CTNNA3: variants seen among roughly 807,000 people sequenced by gnomAD.
CTNNA3 encodes the protein catenin alpha-3.
In CTNNA3, 76 loss-of-function variants were observed where a neutral mutation model predicts 95.7. That is an observed-to-expected ratio of 0.79 (90% CI 0.66 to 0.96). CTNNA3 has a LOEUF of 0.96. Among genes scored for constraint, CTNNA3 ranks in the 40% least tolerant of loss-of-function variants. CTNNA3 has a pLI of 0.00. For missense variants in CTNNA3, 1,191 were observed against 1,089.8 expected (o/e 1.09, Z -1.31); for synonymous variants, 431 against 374.4 (o/e 1.15, Z -1.74).
At chr10:67,222,603 C>T (rs934405434) in intron 5 of CTNNA3, among the ~76,000 whole-genome samples, 2 of 152,144 alleles carry the variant, frequency 1.3e-5, no homozygotes, top group Admixed American at 6.5e-5. Flanking sequence ...TTTCCCACAA[C>T]GTTGTACAAG....
intron 13 of CTNNA3, among the ~76,000 whole-genome samples, chr10:66,113,470 A>C (rs978722693): frequency 6.6e-6 from 1 of 152,156 alleles, no homozygotes; most frequent in Admixed American, 6.6e-5. Context: ...TTCTTACAAC[A>C]TAAGGCTGGA....
At chr10:67,298,549 A>G (rs1589138620) in intron 5 of CTNNA3, among the ~76,000 whole-genome samples, 1 of 152,234 alleles carries the variant, frequency 6.6e-6, no homozygotes, top group African/African-American at 2.4e-5. Context: ...CCGAATTAGC[A>G]TAACGCTAAC....
At chr10:67,619,390 G>A (rs542157624) in intron 2 of CTNNA3, among the ~76,000 whole-genome samples, 24 of 152,226 alleles carry the variant, frequency 1.6e-4, no homozygotes, top group South Asian at 1.0e-3. Context: ...TCAATAAATG[G>A]TGCTAGGAAA....
intron 5 of CTNNA3, among the ~76,000 whole-genome samples, chr10:67,469,717 C>T (rs1847745990): frequency 6.6e-6 from 1 of 151,904 alleles, no homozygotes; most frequent in Non-Finnish European, 1.5e-5. Context: ...ATGTAATAAA[C>T]CTGCACATTC....
chr10:67,746,645 C>T (rs1179325497), intron 1 of CTNNA3, among the ~76,000 whole-genome samples: 1 of 152,160 alleles, frequency 6.6e-6, no homozygotes, highest in African/African-American at 2.4e-5. Context: ...AGTCGTGCTA[C>T]CCAGCCTGGG....
At chr10:67,077,989 G>T (rs1437626817) in intron 7 of CTNNA3, among the ~76,000 whole-genome samples, 1 of 152,140 alleles carries the variant, frequency 6.6e-6, no homozygotes. Context: ...TCAATTTTAT[G>T]TGTAACTATC....
chr10:65,956,808 C>T (rs1033786308), intron 17 of CTNNA3, among the ~76,000 whole-genome samples: 3 of 152,088 alleles, frequency 2.0e-5, no homozygotes, highest in Admixed American at 2.0e-4. Context: ...TTACTTCCAA[C>T]TATGTTGTCA....
At chr10:67,448,563 GAAT>G (rs1846843345) in intron 5 of CTNNA3, among the ~76,000 whole-genome samples, 1 of 151,676 alleles carries the variant, frequency 6.6e-6, no homozygotes, top group African/African-American at 2.4e-5. Context: ...ATGAATGAAT[GAAT>G]AATAAAACAT....
intron 10 of CTNNA3, among the ~76,000 whole-genome samples, chr10:66,537,182 A>T (rs192578687): frequency 6.6e-6 from 1 of 152,294 alleles, no homozygotes; most frequent in Admixed American, 6.5e-5. Context: ...TTATAAAAAC[A>T]AGTTTGCAGC....
At chr10:66,516,063 G>GAAAAAAAAA (rs147730943) in intron 11 of CTNNA3, among the ~76,000 whole-genome samples, 4 of 123,912 alleles carry the variant, frequency 3.2e-5, no homozygotes, top group Admixed American at 8.4e-5. Context: ...TTAATTATCT[G>GAAAAAAAAA]GAAAAAAAAA....
rs902648060 is a variant in CTNNA3, at chr10:65,918,688, C to A, written c.*1642G>T. ...TGCCTTCACCTCCTAGGAAGTTTTA[C>A]ACTGAGCTCAGGCAATCCAGCTACT... is the stretch of plus-strand genomic sequence containing the variant. On this transcript the variant is annotated 3_prime_UTR_variant, in exon 18 of 18. Coordinates refer to ENST00000433211, the MANE Select transcript of CTNNA3 (RefSeq NM_013266.4). 2.6e-5 allele frequency: 4 copies of A among 152,132 alleles called. No homozygotes were observed. The highest frequency in any genetic ancestry group is 9.7e-5 in the African/African-American group (4 of 41,436). 9.4% of individuals were successfully genotyped at this position (152,132 alleles called of 1,614,324 possible).
At chr10:66,451,543 G>T (rs1264021200) in intron 11 of CTNNA3, among the ~76,000 whole-genome samples, 1 of 152,068 alleles carries the variant, frequency 6.6e-6, no homozygotes, top group African/African-American at 2.4e-5. Context: ...TAAAACATAA[G>T]GGTAATTAAT....
At chr10:67,285,740 T>C (rs1839572708) in intron 5 of CTNNA3, among the ~76,000 whole-genome samples, 1 of 152,188 alleles carries the variant, frequency 6.6e-6, no homozygotes, top group Non-Finnish European at 1.5e-5. Flanking sequence ...CCTAGGAATA[T>C]GTTTTTATAT....
intron 1 of CTNNA3, among the ~76,000 whole-genome samples, chr10:67,716,430 A>T (rs1841143626): frequency 6.7e-6 from 1 of 150,258 alleles, no homozygotes; most frequent in African/African-American, 2.4e-5. Context: ...CCACCAACCC[A>T]TTATCTACAT....
At chr10:67,388,978 A>C (rs1170061579) in intron 5 of CTNNA3, among the ~76,000 whole-genome samples, 2 of 152,116 alleles carry the variant, frequency 1.3e-5, no homozygotes, top group South Asian at 2.1e-4. Context: ...AAAGACCATC[A>C]AGACTAGGAA....
intron 3 of CTNNA3, among the ~76,000 whole-genome samples, chr10:67,577,228 T>A (rs548355624): frequency 6.6e-6 from 1 of 152,110 alleles, no homozygotes; most frequent in East Asian, 2.0e-4. Flanking sequence ...GTTTCCTGAC[T>A]TTTTAATGAT....
At chr10:66,403,457 A>G (rs116182552) in intron 11 of CTNNA3, among the ~76,000 whole-genome samples, 79 of 152,286 alleles carry the variant, frequency 5.2e-4, no homozygotes, top group African/African-American at 1.7e-3. Context: ...CACTTCCTAC[A>G]TGGAGGCAGG....
chr10:67,454,249 G>A (rs1010093341), intron 5 of CTNNA3, among the ~76,000 whole-genome samples: 3 of 152,018 alleles, frequency 2.0e-5, no homozygotes, highest in African/African-American at 7.2e-5. Context: ...ATCTATTGAA[G>A]CTATTGGTAC....
At chr10:67,708,122 A>G (rs768501543) in intron 1 of CTNNA3, among the ~76,000 whole-genome samples, 1 of 152,188 alleles carries the variant, frequency 6.6e-6, no homozygotes, top group Non-Finnish European at 1.5e-5. Context: ...CTTGGTAATA[A>G]TAGAAGGGCT....
Sources: gnomAD v4.1 joint callset for allele counts (sites outside exome capture counted in the v4.1 genomes callset) on GRCh38, gnomAD v4.1.1 for gene constraint, MANE v1.5 for transcripts, NCBI Gene and HGNC (gene_info 2026-07-23, HGNC 2026-07-21) for gene names.